Variants in USP14 observed in about 807,000 individuals in gnomAD.
The protein encoded by USP14 is ubiquitin carboxyl-terminal hydrolase 14.
Under a neutral mutation model 76.5 loss-of-function variants are expected in USP14, and 38 were observed. The ratio of observed to expected loss-of-function variants is 0.50; its 90% CI spans 0.38 to 0.65. The LOEUF is 0.65. USP14 is among the 30% of genes least tolerant of loss of function. The pLI, the probability that USP14 is intolerant of heterozygous loss-of-function variation, is 0.00. For missense variants in USP14, 467 were observed against 586.5 expected (o/e 0.80, Z 2.10); for synonymous variants, 192 against 191.7 (o/e 1.00, Z -0.01).
chr18:197,929 G>T, intron 8 of USP14, 118 bp from the exon 9 acceptor site: 2 of 872,704 alleles, frequency 2.3e-6, no homozygotes, highest in Non-Finnish European at 1.7e-6. Context: ...TTTTTTGAAG[G>T]ATTTTACTGT....
At position 207,547 on chromosome 18, in the gene USP14, C is replaced by T. The variant is rs1003672785; in HGVS notation, c.1165-2424C>T. ...TACAGAAATTAGCCAGGCGTGGTGG[C>T]GTGTGCCTGTAGTCCCAGCTGTTCA... On this transcript the variant is annotated intron_variant, in intron 13 of 15. Transcript: ENST00000261601. Among the ~76,000 whole-genome samples, 14 of 144,206 alleles carry T rather than the reference C, an allele frequency of 9.7e-5. 2 individuals carry two copies. Among genetic ancestry groups the T allele is most frequent in the African/African-American group, 2.5e-5 (1 of 40,302 alleles). The allele number at this position is 144,206 out of a possible 152,430, so 94.6% of individuals were successfully genotyped here.
intron 3 of USP14, among the ~76,000 whole-genome samples, chr18:172,981 A>G (rs559457165): frequency 2.0e-5 from 3 of 151,936 alleles, no homozygotes; most frequent in Admixed American, 2.0e-4. Flanking sequence ...AGTTGATCAC[A>G]TTTTTTAGTG....
rs541537989 is a variant in USP14, at chr18:165,142, T to C, written c.163-1645T>C. ...GTTTGTATTTTTGGTAGAGACAGTG[T>C]TTCACCATGTTGGCGCTGGTCTCGA... On this transcript the variant is annotated intron_variant, in intron 2 of 15. Transcript: ENST00000261601. Among the ~76,000 whole-genome samples the C allele has an allele frequency of 2.0e-5, 3 of 152,180 alleles. No homozygotes were observed. The East Asian group carries it at 5.8e-4, about 30-fold the overall frequency.
At chr18:165,541 A>T (rs1331650264) in intron 2 of USP14, among the ~76,000 whole-genome samples, 2 of 152,216 alleles carry the variant, frequency 1.3e-5, no homozygotes, top group African/African-American at 4.8e-5. Context: ...GTTACCATTT[A>T]TTGAGTACTT....
chr18:203,640 C>T (rs920578457), intron 12 of USP14, among the ~76,000 whole-genome samples: 5 of 151,590 alleles, frequency 3.3e-5, no homozygotes, highest in African/African-American at 7.3e-5. Context: ...GACGGAGTCT[C>T]GCTCTGTCAC....
At chr18:166,741 G>C in intron 2 of USP14, 46 bp from the exon 3 acceptor site, 1 of 1,576,696 alleles carries the variant, frequency 6.3e-7, no homozygotes, top group Non-Finnish European at 8.7e-7. Context: ...ATTGTGTTCA[G>C]CTTGTACAGT....
chr18:209,674 C>G (rs1234257182), intron 13 of USP14, among the ~76,000 whole-genome samples: 1 of 152,170 alleles, frequency 6.6e-6, no homozygotes, highest in Non-Finnish European at 1.5e-5. Context: ...CCCTAGAGCA[C>G]TGTTTAACTG....
chr18:158,942 G>A, intron 1 of USP14: 1 of 520,300 alleles, frequency 1.9e-6, no homozygotes, highest in Non-Finnish European at 3.0e-6. Context: ...GGTGGGGGGA[G>A]TGGAGATGGG....
chr18:167,932 CTCT>C (rs1367749526), intron 3 of USP14, among the ~76,000 whole-genome samples: 2 of 136,856 alleles, frequency 1.5e-5, no homozygotes, highest in Non-Finnish European at 3.2e-5. Flanking sequence ...TGATTTTTCT[CTCT>C]TTTTTTTTTT....
intron 5 of USP14, among the ~76,000 whole-genome samples, chr18:189,514 C>T (rs1380640623): frequency 2.0e-5 from 3 of 151,672 alleles, no homozygotes; most frequent in Non-Finnish European, 4.4e-5. Context: ...GAAGGAGTCT[C>T]ACTCTGCCTC....
In USP14 at chr18:213,975, T is replaced by TAGATTAGA. The variant is rs1555603829; in HGVS notation, c.*2691_*2692insAGATTAGA. The TAGATTAGA allele has an allele frequency of 6.7e-6, 1 of 150,100 alleles. No individual in the cohort carries two copies. Among genetic ancestry groups the TAGATTAGA allele is most frequent in the African/African-American group, 2.5e-5 (1 of 40,276 alleles). 9.3% of individuals were successfully genotyped at this position (150,100 alleles called of 1,614,324 possible). On this transcript the variant is annotated 3_prime_UTR_variant, in exon 16 of 16. Transcript: ENST00000261601. ...TTCTGTAATGGACAAGATAGATAGA[T>TAGATTAGA]TAGATAGATAGATAGATAGATAGAT...
chr18:201,362 G>T (rs1910379537), intron 10 of USP14, among the ~76,000 whole-genome samples: 1 of 151,946 alleles, frequency 6.6e-6, no homozygotes. Context: ...TTGGGCAGAG[G>T]AGGTGGGTTG....
chr18:212,786 A>C lies in USP14; in HGVS notation c.*1502A>C, dbSNP rs991815891. ...TGCTAGGGAAAGGATAAAGCATAGAATACCAGCCAGTTTGGCTCTGATTTT... is the reference window on the plus strand; with the variant it reads ...TGCTAGGGAAAGGATAAAGCATAGACTACCAGCCAGTTTGGCTCTGATTTT... On this transcript the variant is annotated 3_prime_UTR_variant, in exon 16 of 16. Transcript: ENST00000261601. 2 of 152,212 alleles carry C rather than the reference A, an allele frequency of 1.3e-5. No homozygotes were observed. Among genetic ancestry groups the C allele is most frequent in the African/African-American group, 4.8e-5 (2 of 41,448 alleles). The allele number at this position is 152,212 out of a possible 1,614,324, so 9.4% of individuals were successfully genotyped here. A position where few individuals can be genotyped will look rare whatever the true frequency, so the allele number is the denominator to read the frequency against.
chr18:163,718 A>T (rs1159053733), intron 2 of USP14, among the ~76,000 whole-genome samples: 1 of 152,026 alleles, frequency 6.6e-6, no homozygotes, highest in Non-Finnish European at 1.5e-5. Flanking sequence ...TTAGGTTCTG[A>T]GATACATATG....
chr18:192,922 C>CT, intron 6 of USP14, 22 bp downstream of exon 6: 2 of 1,599,474 alleles, frequency 1.3e-6, no homozygotes, highest in Non-Finnish European at 1.7e-6. Flanking sequence ...AAATATACTA[C>CT]TTTTTGATAG....
chr18:211,452 A>G lies in USP14; in HGVS notation c.*168A>G, dbSNP rs1252365039. Reference sequence around the variant, plus strand: ...TCTGTGCACCAACCTAAAAAATTACAGAGAAGAGAAAATTATCTTTGGATT... The same window carrying G: ...TCTGTGCACCAACCTAAAAAATTACGGAGAAGAGAAAATTATCTTTGGATT... On this transcript the variant is annotated 3_prime_UTR_variant, in exon 16 of 16. Transcript: ENST00000261601. The G allele has an allele frequency of 5.2e-6, 3 of 574,242 alleles. No homozygotes were observed. Among genetic ancestry groups the G allele is most frequent in the Non-Finnish European group, 8.4e-6 (3 of 355,650 alleles). The allele number at this position is 574,242 out of a possible 1,614,324, so 35.6% of individuals were successfully genotyped here. A position where few individuals can be genotyped will look rare whatever the true frequency, so the allele number is the denominator to read the frequency against.
intron 5 of USP14, among the ~76,000 whole-genome samples, chr18:184,058 T>C (rs192596972): frequency 6.6e-6 from 1 of 152,202 alleles, no homozygotes; most frequent in Non-Finnish European, 1.5e-5. Flanking sequence ...AAGAGTTCTG[T>C]GTAAGCAGGG....
rs757210559 is a variant in USP14, at chr18:198,073, G to T, written c.702G>T (p.Ala234=). 8 of 1,610,500 alleles carry T rather than the reference G, an allele frequency of 5.0e-6. No homozygotes were observed. In the South Asian group the frequency reaches 8.8e-5, roughly 18 times the overall value. Residue 234 remains alanine (A), a synonymous_variant, in exon 9 of 16, where the codon GCG becomes GCT. Transcript: ENST00000261601. Reference sequence around the variant, plus strand: ...CAGACTCCTCATCTGCATCGGCAGCGACACCTTCTAAAAAGAAAAGTTTAA... The same window carrying T: ...CAGACTCCTCATCTGCATCGGCAGCTACACCTTCTAAAAAGAAAAGTTTAA... ...KETDSSSASA[A]TPSKKKSLID... is the part of the protein sequence containing the mutation.
intron 3 of USP14, among the ~76,000 whole-genome samples, chr18:172,223 G>A (rs1263992548): frequency 3.3e-5 from 5 of 152,180 alleles, no homozygotes; most frequent in African/African-American, 1.2e-4. Flanking sequence ...GAGTGACAGA[G>A]TGAGACCCTG....
Sources: allele counts gnomAD v4.1 joint callset (sites outside exome capture counted in the v4.1 genomes callset), GRCh38; gene constraint gnomAD v4.1.1; transcripts MANE v1.5; gene names NCBI Gene and HGNC (gene_info 2026-07-23, HGNC 2026-07-21).